NXPE3: variants seen among roughly 807,000 people sequenced by gnomAD.
NXPE3 encodes the protein NXPE family member 3.
A neutral mutation model predicts 46.1 loss-of-function variants in NXPE3; 26 were observed. The ratio of observed to expected loss-of-function variants is 0.56; its 90% CI spans 0.41 to 0.78. The LOEUF (loss-of-function observed/expected upper bound fraction) is 0.78. NXPE3 is among the 30% of genes least tolerant of loss of function. The pLI is 0.00. For synonymous variants in NXPE3, 272 were observed against 257.9 expected, an observed-to-expected ratio of 1.05 and a Z score of -0.52; for missense variants, 620 against 686.0, an observed-to-expected ratio of 0.90 and a Z score of 1.07.
chr3:101,790,841 C>T (rs1425195030), intron 4 of NXPE3, among the ~76,000 whole-genome samples: 1 of 152,222 alleles, frequency 6.6e-6, no homozygotes, highest in African/African-American at 2.4e-5. Context: ...AGTGATCCAG[C>T]TGCCTTGGCC....
intron 6 of NXPE3, among the ~76,000 whole-genome samples, chr3:101,813,299 C>A (rs1040586555): frequency 6.6e-6 from 1 of 152,194 alleles, no homozygotes; most frequent in Non-Finnish European, 1.5e-5. Context: ...GCAGACAATT[C>A]CATACCATAA....
At chr3:101,781,516 A>G (rs138476481) in intron 1 of NXPE3, among the ~76,000 whole-genome samples, 12 of 152,332 alleles carry the variant, frequency 7.9e-5, no homozygotes, top group East Asian at 1.9e-4. Context: ...ATTGGCCACT[A>G]TGAGTCTTGG....
At chr3:101,807,380 C>T (rs918969131) in intron 6 of NXPE3, among the ~76,000 whole-genome samples, 3 of 151,956 alleles carry the variant, frequency 2.0e-5, no homozygotes, top group African/African-American at 7.3e-5. Flanking sequence ...AGTGCAGTGG[C>T]GCAATCTTTA....
At position 101,824,760 on chromosome 3, in the gene NXPE3, T is replaced by C. The variant is rs1443585358; in HGVS notation, c.*2806T>C. 3 of 152,182 alleles carry C rather than the reference T, an allele frequency of 2.0e-5. No individual in the cohort carries two copies. The highest frequency in any genetic ancestry group is 7.2e-5 in the African/African-American group (3 of 41,426). The allele number at this position is 152,182 out of a possible 1,614,324, so 9.4% of individuals were successfully genotyped here. The stretch of plus-strand genomic sequence containing the variant: ...GCCCAGCTGAGAGTTTTTCTTGTCG[T>C]GAAAGAACTTGACATTTCCTCAAGG... On this transcript the variant is annotated 3_prime_UTR_variant, in exon 8 of 8. Coordinates refer to ENST00000273347, the MANE Select transcript of NXPE3 (RefSeq NM_145037.4).
rs1174374006 is a variant in NXPE3 at position 101,828,167 on chromosome 3, G to T, written c.*6213G>T. 2 of 152,126 alleles carry T rather than the reference G, an allele frequency of 1.3e-5. No homozygotes were observed. Among genetic ancestry groups the T allele is most frequent in the Non-Finnish European group, 2.9e-5 (2 of 68,024 alleles). 9.4% of individuals were successfully genotyped at this position (152,126 alleles called of 1,614,324 possible). On this transcript the variant is annotated 3_prime_UTR_variant, in exon 8 of 8. Transcript: ENST00000273347. ...TTGCTCTTACGTATTTGTGTGACTT[G>T]ACTCTTCAAACACAAAGGTATATTT... is the stretch of plus-strand genomic sequence containing the variant.
In NXPE3 at chr3:101,822,074, C is replaced by G. The variant is rs182037556; in HGVS notation, c.*120C>G. ...AATAAGTATAAAATTTCAAAAAGAT[C>G]TGGACTTAATATGATGACTTATAAG... is the stretch of plus-strand genomic sequence containing the variant. On this transcript the variant is annotated 3_prime_UTR_variant, in exon 8 of 8. Coordinates refer to ENST00000273347, the MANE Select transcript of NXPE3 (RefSeq NM_145037.4). 1.2e-6 allele frequency: 1 copy of G among 843,000 alleles called. No homozygotes were observed. Among genetic ancestry groups the G allele is most frequent in the South Asian group, 1.8e-5 (1 of 55,942 alleles). 52.2% of individuals were successfully genotyped at this position (843,000 alleles called of 1,614,324 possible). A position where few individuals can be genotyped will look rare whatever the true frequency, so the allele number is the denominator to read the frequency against.
Position 101,823,452 on chromosome 3 carries a change from C to A in NXPE3, c.*1498C>A, listed in dbSNP as rs1015009862. On this transcript the variant is annotated 3_prime_UTR_variant, in exon 8 of 8. Coordinates refer to ENST00000273347, the MANE Select transcript of NXPE3 (RefSeq NM_145037.4). Reference sequence around the variant, plus strand: ...CTTACGCTTTACAGTACCTAAGGATCACTTGTAGTATCTGACAAAAATGCA... The same window carrying A: ...CTTACGCTTTACAGTACCTAAGGATAACTTGTAGTATCTGACAAAAATGCA... The A allele has an allele frequency of 3.9e-5, 6 of 152,052 alleles. No individual in the cohort carries two copies. Among genetic ancestry groups the A allele is most frequent in the Non-Finnish European group, 8.8e-5 (6 of 68,034 alleles). The allele number at this position is 152,052 out of a possible 1,614,324, so 9.4% of individuals were successfully genotyped here.
In NXPE3 at chr3:101,821,617, T is replaced by C; in HGVS notation, c.1343T>C (p.Phe448Ser). The C allele has an allele frequency of 6.2e-7, 1 of 1,614,212 alleles. No homozygotes were observed. Among genetic ancestry groups the C allele is most frequent in the South Asian group, 1.1e-5 (1 of 91,084 alleles). Residue 448 changes from phenylalanine (F) to serine (S), a missense_variant, in exon 8 of 8, where the codon TTC (phenylalanine) becomes TCC (serine). By Grantham distance (155) the Phe-to-Ser change is radical. Transcript: ENST00000273347. ...GTTGCCATAGCTGTATGGTCTCACTTCAGCACCTTCCCTTTGGAAGTGTAC... is the reference window on the plus strand; with the variant it reads ...GTTGCCATAGCTGTATGGTCTCACTCCAGCACCTTCCCTTTGGAAGTGTAC... ...TVVAIAVWSH[F>S]STFPLEVYIR... is the part of the protein sequence containing the mutation.
At chr3:101,794,466 G>A (rs1457432210) in intron 4 of NXPE3, among the ~76,000 whole-genome samples, 1 of 152,194 alleles carries the variant, frequency 6.6e-6, no homozygotes, top group Non-Finnish European at 1.5e-5. Context: ...ATGGAAGGTA[G>A]GAGGGTAGAG....
At chr3:101,793,851 T>A (rs2107271029) in intron 4 of NXPE3, among the ~76,000 whole-genome samples, 1 of 152,184 alleles carries the variant, frequency 6.6e-6, no homozygotes. Flanking sequence ...TGAGTTATTT[T>A]TCTTCACAGT....
chr3:101,827,239 C>T lies in NXPE3; in HGVS notation c.*5285C>T, dbSNP rs917876471. 1 of 151,926 alleles carries T rather than the reference C, an allele frequency of 6.6e-6. No homozygotes were observed. Among genetic ancestry groups the T allele is most frequent in the South Asian group, 2.1e-4 (1 of 4,820 alleles). 9.4% of individuals were successfully genotyped at this position (151,926 alleles called of 1,614,324 possible). A position where few individuals can be genotyped will look rare whatever the true frequency, so the allele number is the denominator to read the frequency against. The stretch of plus-strand genomic sequence containing the variant: ...AAGATAACTTAAAAAAAAGTAGTAC[C>T]GAGATTACAGCAGCTAGTGTCCTAA... On this transcript the variant is annotated 3_prime_UTR_variant, in exon 8 of 8. Coordinates refer to ENST00000273347, the MANE Select transcript of NXPE3 (RefSeq NM_145037.4).
intron 6 of NXPE3, among the ~76,000 whole-genome samples, chr3:101,808,598 T>C (rs994255298): frequency 6.6e-6 from 1 of 151,956 alleles, no homozygotes; most frequent in African/African-American, 2.4e-5. Flanking sequence ...CTTTGATTTT[T>C]TAACTGTGAT....
At chr3:101,785,850 C>T (rs1940144669) in intron 4 of NXPE3, among the ~76,000 whole-genome samples, 161 bp downstream of exon 4, 1 of 152,144 alleles carries the variant, frequency 6.6e-6, no homozygotes, top group Non-Finnish European at 1.5e-5. Context: ...GTTATATACG[C>T]TGCTAGTCAC....
rs1939869715 is a variant in NXPE3 at position 101,782,294 on chromosome 3, AATTAC to A, written c.-317+8_-317+12del. 6.6e-6 allele frequency: 1 copy of A among 152,158 alleles called. No individual in the cohort carries two copies. The highest frequency in any genetic ancestry group is 6.5e-5 in the Admixed American group (1 of 15,284). The allele number at this position is 152,158 out of a possible 1,614,324, so 9.4% of individuals were successfully genotyped here. A position where few individuals can be genotyped will look rare whatever the true frequency, so the allele number is the denominator to read the frequency against. On this transcript the variant is annotated splice_donor_5th_base_variant and intron_variant, in intron 2 of 7. Coordinates refer to ENST00000273347, the MANE Select transcript of NXPE3 (RefSeq NM_145037.4). ...TCTTGGAAAATTTCCAAAAAAGGTA[AATTAC>A]ATTGAATTATATATTTTTATTTTTT...
chr3:101,782,582 C>T (rs2107230031), intron 2 of NXPE3, 78 bp from the exon 3 acceptor site: 1 of 152,088 alleles, frequency 6.6e-6, no homozygotes, highest in South Asian at 2.1e-4. Context: ...TGCTTTGTTT[C>T]TGCTATGTCT....
Position 101,821,875 on chromosome 3 carries a change from A to C in NXPE3, c.1601A>C (p.His534Pro). 6.2e-7 allele frequency: 1 copy of C among 1,614,150 alleles called. No homozygotes were observed. ...WEMTLAHYLPHKLHPDEVIVK... is the reference protein window; with the variant it reads ...WEMTLAHYLPPKLHPDEVIVK... ...ATGACCCTGGCCCATTATCTACCGCACAAGCTGCATCCAGATGAAGTTATT... is the reference window on the plus strand; with the variant it reads ...ATGACCCTGGCCCATTATCTACCGCCCAAGCTGCATCCAGATGAAGTTATT... Residue 534 changes from histidine to proline, a missense_variant, in exon 8 of 8, where the codon CAC becomes CCC. Around this residue, in one of 3 missense-constraint regions of NXPE3, gnomAD observed 34 missense variants for 36.2 expected, o/e 0.94. Transcript: ENST00000273347.
At chr3:101,813,905 T>C in intron 6 of NXPE3, among the ~76,000 whole-genome samples, 1 of 152,214 alleles carries the variant, frequency 6.6e-6, no homozygotes, top group Non-Finnish European at 1.5e-5. Flanking sequence ...TTGTCCCAGT[T>C]GACCATAAGG....
intron 5 of NXPE3, among the ~76,000 whole-genome samples, chr3:101,805,866 A>G (rs934544163): frequency 2.6e-5 from 4 of 152,158 alleles, no homozygotes; most frequent in Admixed American, 6.5e-5. Flanking sequence ...TTTTTGTAAG[A>G]AAATTATTAT....
intron 4 of NXPE3, among the ~76,000 whole-genome samples, chr3:101,797,014 A>G (rs1576746117): frequency 1.3e-5 from 2 of 152,288 alleles, no homozygotes; most frequent in Admixed American, 6.5e-5. Context: ...GTAGTTTTCT[A>G]CATCTTAGGT....
Sources: gnomAD v4.1 joint callset for allele counts (sites outside exome capture counted in the v4.1 genomes callset) on GRCh38, gnomAD v4.1.1 for gene constraint, gnomAD v4.1.1 regional missense constraint, MANE v1.5 for transcripts, NCBI Gene and HGNC (gene_info 2026-07-23, HGNC 2026-07-21) for gene names.